DNAJC5B: variants seen among roughly 807,000 people sequenced by gnomAD.
DNAJC5B encodes DnaJ heat shock protein family (Hsp40) member C5 beta, also known as dnaJ homolog subfamily C member 5B.
DNAJC5B carries 23 observed loss-of-function variants against 24.7 expected under a neutral mutation model. The observed-to-expected ratio is 0.93, with a 90% confidence interval of 0.67 to 1.32. DNAJC5B has a LOEUF of 1.32. Ranked by LOEUF, DNAJC5B falls within the 40% of genes most tolerant of loss-of-function variation. The probability of loss-of-function intolerance (pLI) is 0.00; values close to 1 mark genes in which losing one functional copy is unlikely to be tolerated. For missense variants in DNAJC5B, 238 were observed against 240.8 expected (o/e 0.99, Z 0.08); for synonymous variants, 101 against 90.1 (o/e 1.12, Z -0.68).
intron 5 of DNAJC5B, among the ~76,000 whole-genome samples, chr8:66,091,323 G>T (rs768334208): frequency 1.3e-5 from 2 of 152,118 alleles, no homozygotes; most frequent in Non-Finnish European, 2.9e-5. Flanking sequence ...TGAGCACTTG[G>T]GGCCTCACCT....
At chr8:66,043,744 G>A (rs942995656) in intron 2 of DNAJC5B, 133 bp downstream of exon 2, 1 of 151,902 alleles carries the variant, frequency 6.6e-6, no homozygotes, top group African/African-American at 2.4e-5. Context: ...AACAGGTACT[G>A]TGGTTTACTA....
rs1468376532 is a variant in DNAJC5B at position 66,076,813 on chromosome 8, C to A, written c.273C>A (p.Ala91=). The change falls in exon 4 of 6, where the codon GCC becomes GCA. Residue 91 remains alanine, a synonymous_variant. Coordinates refer to ENST00000276570, the MANE Select transcript of DNAJC5B (RefSeq NM_033105.6). ...DKYGSLGLYV[A]EQFGDENVNT... is the part of the protein sequence containing the mutation. ...ACGGATCGCTGGGACTCTACGTGGC[C>A]GAGCAGTTTGGAGACGAAAACGTTA... 6.2e-7 allele frequency: 1 copy of A among 1,614,112 alleles called. No individual in the cohort carries two copies. Among genetic ancestry groups the A allele is most frequent in the Admixed American group, 1.7e-5 (1 of 60,016 alleles).
intron 1 of DNAJC5B, among the ~76,000 whole-genome samples, chr8:66,036,369 A>G (rs998449343): frequency 1.3e-5 from 2 of 152,156 alleles, no homozygotes; most frequent in African/African-American, 4.8e-5. Flanking sequence ...AGTTGCTCCA[A>G]TGTTTCTCCC....
intron 5 of DNAJC5B, among the ~76,000 whole-genome samples, chr8:66,088,101 A>G (rs1282777521): frequency 1.3e-5 from 2 of 152,140 alleles, no homozygotes; most frequent in Non-Finnish European, 2.9e-5. Context: ...ATTTCCATAC[A>G]TCCTCTGAAA....
intron 3 of DNAJC5B, among the ~76,000 whole-genome samples, chr8:66,070,517 A>G (rs1283852911): frequency 6.6e-6 from 1 of 152,236 alleles, no homozygotes; most frequent in Non-Finnish European, 1.5e-5. Flanking sequence ...GGACTTCTTC[A>G]AGGAGAACTA....
At chr8:66,016,180 C>A in the DNAJC5B span, among the ~76,000 whole-genome samples, 1 of 152,156 alleles carries the variant, frequency 6.6e-6, no homozygotes. Context: ...GCAAAAGGGG[C>A]TAGTTTCTTC....
At chr8:66,086,985 A>T (rs1807740698) in intron 5 of DNAJC5B, among the ~76,000 whole-genome samples, 1 of 152,188 alleles carries the variant, frequency 6.6e-6, no homozygotes, top group South Asian at 2.1e-4. Context: ...CTAAAAAATA[A>T]GAGAAAGGAA....
chr8:66,089,745 G>A lies in DNAJC5B; in HGVS notation c.505+9197G>A, dbSNP rs1010719984. Among the ~76,000 whole-genome samples, 13 of 152,222 alleles carry A rather than the reference G, an allele frequency of 8.5e-5. 1 individual carries two copies. The highest frequency in any genetic ancestry group is 1.9e-4 in the East Asian group (1 of 5,190). On this transcript the variant is annotated intron_variant, in intron 5 of 5. Coordinates refer to ENST00000276570, the MANE Select transcript of DNAJC5B (RefSeq NM_033105.6). ...TTTTTATGTCCCTTTAAACTATATC[G>A]GAAAGTATAATCCAGCTTCTACCTT...
chr8:66,035,871 C>T (rs1371611210), intron 1 of DNAJC5B, among the ~76,000 whole-genome samples: 7 of 152,164 alleles, frequency 4.6e-5, no homozygotes, highest in Non-Finnish European at 1.0e-4. Context: ...TGTCTCTGCT[C>T]CTAGGGGACC....
intron 1 of DNAJC5B, among the ~76,000 whole-genome samples, chr8:66,026,254 G>T (rs1417475888): frequency 6.6e-6 from 1 of 150,828 alleles, no homozygotes; most frequent in East Asian, 1.9e-4. Flanking sequence ...GAATGCTTGT[G>T]ATTTTTGTAC....
At chr8:66,044,261 T>C (rs1055240352) in intron 2 of DNAJC5B, among the ~76,000 whole-genome samples, 4 of 152,188 alleles carry the variant, frequency 2.6e-5, no homozygotes, top group Non-Finnish European at 5.9e-5. Context: ...AACAAATTTC[T>C]ATGAAGGAAT....
At chr8:66,087,850 C>T (rs1807762169) in intron 5 of DNAJC5B, among the ~76,000 whole-genome samples, 1 of 152,178 alleles carries the variant, frequency 6.6e-6, no homozygotes. Flanking sequence ...CCTGCAGCTG[C>T]CTTTCCCAGC....
intron 4 of DNAJC5B, among the ~76,000 whole-genome samples, chr8:66,079,326 G>T (rs1471713972): frequency 2.6e-5 from 4 of 152,174 alleles, no homozygotes; most frequent in Non-Finnish European, 5.9e-5. Flanking sequence ...GTGCCAGCTT[G>T]CAGGAAGCTC....
chr8:66,057,650 TACAG>T lies in DNAJC5B; in HGVS notation c.119+5988_119+5991del, dbSNP rs1462740714. 2.0e-5 allele frequency: 3 copies of T among 152,184 alleles called. No homozygotes were observed. In the East Asian group the frequency reaches 5.8e-4, roughly 29 times the overall value. The allele number at this position is 152,184 out of a possible 1,614,324, so 9.4% of individuals were successfully genotyped here. On this transcript the variant is annotated intron_variant, in intron 3 of 5. Transcript: ENST00000276570. ...ACATTATAATTAAATTTCTGAAAACTACAGACAAAGAAAAAAATTTGAAAGCAGC... is the reference window on the plus strand; with the variant it reads ...ACATTATAATTAAATTTCTGAAAACTACAAAGAAAAAAATTTGAAAGCAGC...
At chr8:66,071,534 T>TA (rs1483501009) in intron 3 of DNAJC5B, among the ~76,000 whole-genome samples, 4 of 151,694 alleles carry the variant, frequency 2.6e-5, no homozygotes, top group Admixed American at 2.0e-4. Context: ...TGGTGATCAT[T>TA]AAAAAAGTCA....
At chr8:66,092,852 AT>A (rs1481553903) in intron 5 of DNAJC5B, among the ~76,000 whole-genome samples, 2 of 152,080 alleles carry the variant, frequency 1.3e-5, no homozygotes, top group Non-Finnish European at 2.9e-5. Context: ...TCGTGGGTAC[AT>A]GTGCAGGGTT....
chr8:66,057,624 A>C (rs1806994357), intron 3 of DNAJC5B: 1 of 152,246 alleles, frequency 6.6e-6, no homozygotes, highest in Non-Finnish European at 1.5e-5. Context: ...AATGCCAAGA[A>C]ACATTATAAT....
At chr8:66,036,894 A>T (rs1186274627) in intron 1 of DNAJC5B, among the ~76,000 whole-genome samples, 1 of 151,934 alleles carries the variant, frequency 6.6e-6, no homozygotes, top group Non-Finnish European at 1.5e-5. Context: ...GGGCAGGGGG[A>T]CCTGTGGGGC....
chr8:66,099,036 T>TCACACACACACACACA (rs34531773), intron 5 of DNAJC5B, among the ~76,000 whole-genome samples: 2 of 146,156 alleles, frequency 1.4e-5, no homozygotes, highest in African/African-American at 5.0e-5. Flanking sequence ...TCTCTCTCTG[T>TCACACACACACACACA]CACACACACA....
Sources: allele counts gnomAD v4.1 joint callset (sites outside exome capture counted in the v4.1 genomes callset), GRCh38; gene constraint gnomAD v4.1.1; transcripts MANE v1.5; gene names NCBI Gene and HGNC (gene_info 2026-07-23, HGNC 2026-07-21).